The following NKAIN1 variants were observed in gnomAD, a reference collection of about 807,000 sequenced individuals.
NKAIN1 encodes sodium/potassium-transporting ATPase subunit beta-1-interacting protein 1.
A neutral mutation model predicts 31.6 loss-of-function variants in NKAIN1; 13 were observed. That is an observed-to-expected ratio of 0.41 (90% CI 0.27 to 0.65). The LOEUF is 0.65. NKAIN1 is among the 30% of genes least tolerant of loss of function. NKAIN1 has a pLI of 0.30. For synonymous variants in NKAIN1, 104 were observed against 109.0 expected (o/e 0.95, Z 0.28); for missense variants, 193 against 262.2 (o/e 0.74, Z 1.82).
chr1:31,182,674 C>A, intron 4 of NKAIN1, 84 bp from the exon 5 acceptor site: 2 of 1,482,574 alleles, frequency 1.3e-6, no homozygotes, highest in Non-Finnish European at 9.4e-7. Context: ...TACGCTCTGA[C>A]TGGCAAGGGA....
chr1:31,181,758 T>A (rs761827440), intron 6 of NKAIN1, 46 bp from the exon 7 acceptor site: 68 of 1,535,532 alleles, frequency 4.4e-5, no homozygotes, highest in Middle Eastern at 3.4e-4. Context: ...CCCAAAAGTA[T>A]GGGGGCGGAG....
At chr1:31,191,335 C>T (rs1481327226) in intron 1 of NKAIN1, among the ~76,000 whole-genome samples, 1 of 149,662 alleles carries the variant, frequency 6.7e-6, no homozygotes, top group Admixed American at 6.7e-5. Flanking sequence ...TCATCTCCAG[C>T]CAAAGTGGTA....
chr1:31,217,811 G>C lies in NKAIN1; in HGVS notation c.54+21683C>G, dbSNP rs77383885. On this transcript the variant is annotated intron_variant, in intron 1 of 6. Coordinates refer to ENST00000373736, the MANE Select transcript of NKAIN1 (RefSeq NM_024522.3). Reference sequence around the variant, plus strand: ...GGAGTTGGACCTAACAGGCCCCACTGTGTCCCTGGGGTTCTGTGTACTCAT... The same window carrying C: ...GGAGTTGGACCTAACAGGCCCCACTCTGTCCCTGGGGTTCTGTGTACTCAT... Among the ~76,000 whole-genome samples, 538 of 152,268 alleles carry C rather than the reference G, an allele frequency of 3.5e-3. 2 individuals are homozygous for C. Among genetic ancestry groups the C allele is most frequent in the African/African-American group, 0.012 (508 of 41,548 alleles).
At chr1:31,217,673 G>A (rs146851176) in intron 1 of NKAIN1, among the ~76,000 whole-genome samples, 183 of 152,272 alleles carry the variant, frequency 1.2e-3, no homozygotes, top group Middle Eastern at 3.4e-3. Context: ...GGAATTACAC[G>A]CCCAGTCTCC....
At chr1:31,238,756 T>C (rs1039441145) in intron 1 of NKAIN1, among the ~76,000 whole-genome samples, 17 of 152,216 alleles carry the variant, frequency 1.1e-4, no homozygotes, top group African/African-American at 4.1e-4. Context: ...GGAACCCCCA[T>C]GGCCACAGCG....
chr1:31,216,270 A>G (rs1382862788), intron 1 of NKAIN1, among the ~76,000 whole-genome samples: 1 of 152,072 alleles, frequency 6.6e-6, no homozygotes, highest in Non-Finnish European at 1.5e-5. Flanking sequence ...CGAGGAGGGC[A>G]AGGAAGGCCT....
At chr1:31,192,965 G>A (rs1271565115) in intron 1 of NKAIN1, among the ~76,000 whole-genome samples, 2 of 151,516 alleles carry the variant, frequency 1.3e-5, no homozygotes, top group Admixed American at 1.3e-4. Flanking sequence ...CAGGAGTTTG[G>A]GACTAGCCTT....
intron 1 of NKAIN1, among the ~76,000 whole-genome samples, chr1:31,191,683 T>C (rs1645287398): frequency 6.6e-6 from 1 of 152,214 alleles, no homozygotes; most frequent in African/African-American, 2.4e-5. Context: ...CCCACTAGGA[T>C]CTGGCTCAAT....
At chr1:31,198,802 A>C (rs1331514467) in intron 1 of NKAIN1, among the ~76,000 whole-genome samples, 3 of 143,992 alleles carry the variant, frequency 2.1e-5, no homozygotes, top group African/African-American at 7.8e-5. Flanking sequence ...TTCAGCCCCG[A>C]GTCAGGGCTG....
At chr1:31,191,551 C>T (rs1169629732) in intron 1 of NKAIN1, among the ~76,000 whole-genome samples, 3 of 152,060 alleles carry the variant, frequency 2.0e-5, no homozygotes, top group Non-Finnish European at 4.4e-5. Flanking sequence ...TAATCCCTCT[C>T]TTGAGAAGTT....
chr1:31,207,768 C>T (rs569363947), intron 1 of NKAIN1, among the ~76,000 whole-genome samples: 6 of 152,168 alleles, frequency 3.9e-5, no homozygotes, highest in Admixed American at 6.5e-5. Flanking sequence ...CTGAAACTGA[C>T]GCTGCCCACC....
chr1:31,208,291 GCA>G (rs1255868503), intron 1 of NKAIN1, among the ~76,000 whole-genome samples: 1 of 152,068 alleles, frequency 6.6e-6, no homozygotes, highest in African/African-American at 2.4e-5. Flanking sequence ...TACAGAAGAA[GCA>G]CCCAACAAAT....
chr1:31,201,178 A>G (rs1645377204), intron 1 of NKAIN1, among the ~76,000 whole-genome samples: 1 of 152,100 alleles, frequency 6.6e-6, no homozygotes, highest in Admixed American at 6.6e-5. Flanking sequence ...CTTGGGGATG[A>G]CAGTCTTGCC....
intron 1 of NKAIN1, among the ~76,000 whole-genome samples, chr1:31,231,032 G>A (rs1430554759): frequency 1.3e-5 from 2 of 151,798 alleles, no homozygotes; most frequent in Non-Finnish European, 2.9e-5. Context: ...ACAGGTGCCC[G>A]CCACCATGCC....
At chr1:31,186,277 A>G (rs6703564) in intron 2 of NKAIN1, among the ~76,000 whole-genome samples, 103,809 of 149,938 alleles carry the variant, frequency 0.69, 36,672 homozygotes, top group Middle Eastern at 0.84. Flanking sequence ...AAGGAGAATC[A>G]CTTGAACCTG....
intron 1 of NKAIN1, among the ~76,000 whole-genome samples, chr1:31,199,873 C>G (rs535710553): frequency 6.6e-6 from 1 of 152,084 alleles, no homozygotes; most frequent in Non-Finnish European, 1.5e-5. Flanking sequence ...TCAGAGAGCT[C>G]GTCTGGAGAC....
At chr1:31,216,896 G>C (rs12136121) in intron 1 of NKAIN1, among the ~76,000 whole-genome samples, 76,952 of 151,170 alleles carry the variant, frequency 0.51, 20,936 homozygotes, top group East Asian at 0.77. Flanking sequence ...GATGGAGGCT[G>C]TCTGTGTTGC....
chr1:31,215,924 G>T (rs1412986246), intron 1 of NKAIN1, among the ~76,000 whole-genome samples: 1 of 152,104 alleles, frequency 6.6e-6, no homozygotes, highest in Non-Finnish European at 1.5e-5. Flanking sequence ...ATGTCATTCA[G>T]CTCTCACAAC....
chr1:31,182,145 TG>T (rs1318388177), intron 5 of NKAIN1, among the ~76,000 whole-genome samples: 1 of 151,656 alleles, frequency 6.6e-6, no homozygotes, highest in African/African-American at 2.4e-5. Flanking sequence ...GATGGGCCTC[TG>T]GGGGTCTGGA....
Sources: gnomAD v4.1 joint callset for allele counts (sites outside exome capture counted in the v4.1 genomes callset) on GRCh38, gnomAD v4.1.1 for gene constraint, MANE v1.5 for transcripts, NCBI Gene and HGNC (gene_info 2026-07-23, HGNC 2026-07-21) for gene names.